The following AAK1 variants were observed in gnomAD, a reference collection of about 807,000 sequenced individuals.
The protein encoded by AAK1 is AP2-associated protein kinase 1.
Under a neutral mutation model 116.0 loss-of-function variants are expected in AAK1, and 37 were observed. That is an observed-to-expected ratio of 0.32 (90% confidence interval 0.25 to 0.42). AAK1 has a LOEUF of 0.42. Among genes scored for constraint, AAK1 ranks in the 10% least tolerant of loss-of-function variants. AAK1 has a pLI of 1.00. For missense variants in AAK1, 919 were observed against 1,170.6 expected (o/e 0.79, Z 3.14); for synonymous variants, 458 against 439.9 (o/e 1.04, Z -0.51).
In AAK1 at chr2:69,643,035, C is replaced by T. The variant is rs752587685; in HGVS notation, c.6G>A (p.Lys2=). M[K]KFFDSRREQG... is the part of the protein sequence containing the mutation. ...GCTCTCGCCGGGAGTCGAAAAACTT[C>T]TTCATCTTGCGAATAGGGAGCAGCA... Residue 2 remains lysine (K), a synonymous_variant, in exon 2 of 22, where the codon AAG becomes AAA. Coordinates refer to ENST00000409085, the MANE Select transcript of AAK1 (RefSeq NM_014911.5). 5 of 1,598,772 alleles carry T rather than the reference C, an allele frequency of 3.1e-6. No homozygotes were observed. In the South Asian group the frequency reaches 5.6e-5, roughly 18 times the overall value.
At chr2:69,553,085 GA>G (rs1168244072) in intron 3 of AAK1, among the ~76,000 whole-genome samples, 6 of 151,744 alleles carry the variant, frequency 4.0e-5, no homozygotes, top group Admixed American at 2.0e-4. Flanking sequence ...AGAAAAAGGG[GA>G]AAAAAATGAA....
intron 2 of AAK1, among the ~76,000 whole-genome samples, chr2:69,560,645 AT>A (rs201310365): frequency 6.6e-5 from 10 of 151,970 alleles, no homozygotes; most frequent in Middle Eastern, 3.4e-3. Context: ...AATATGTAGG[AT>A]TTTTTTTTAT....
intron 2 of AAK1, among the ~76,000 whole-genome samples, chr2:69,634,012 A>C (rs1675338104): frequency 6.6e-6 from 1 of 152,150 alleles, no homozygotes; most frequent in African/African-American, 2.4e-5. Flanking sequence ...TCTACTAAAA[A>C]TACAAAAATT....
At chr2:69,566,433 A>T (rs1437607797) in intron 2 of AAK1, among the ~76,000 whole-genome samples, 3 of 152,086 alleles carry the variant, frequency 2.0e-5, no homozygotes, top group Non-Finnish European at 4.4e-5. Flanking sequence ...TTCCCCAAGC[A>T]GATAGAACAC....
chr2:69,487,715 G>C (rs1675351765), intron 17 of AAK1, among the ~76,000 whole-genome samples: 1 of 151,370 alleles, frequency 6.6e-6, no homozygotes, highest in Non-Finnish European at 1.5e-5. Context: ...TGAAATGTTT[G>C]TGAAAAGCAA....
intron 3 of AAK1, among the ~76,000 whole-genome samples, chr2:69,550,954 A>T (rs1671157277): frequency 6.6e-6 from 1 of 152,118 alleles, no homozygotes; most frequent in South Asian, 2.1e-4. Context: ...TTAACATTCA[A>T]ATAGTTCATA....
chr2:69,475,835 A>G lies in AAK1; in HGVS notation c.*34T>C. 1.3e-6 allele frequency: 2 copies of G among 1,589,428 alleles called. No homozygotes were observed. Among genetic ancestry groups the G allele is most frequent in the Non-Finnish European group, 1.7e-6 (2 of 1,167,358 alleles). On this transcript the variant is annotated 3_prime_UTR_variant, in exon 22 of 22. Transcript: ENST00000409085. ...AATGAAAATGTATTTTACGGTATGA[A>G]GGTTACAGAACTGCATCTGCTACTG...
At chr2:69,553,589 A>G (rs1019646460) in intron 3 of AAK1, among the ~76,000 whole-genome samples, 2 of 151,622 alleles carry the variant, frequency 1.3e-5, no homozygotes, top group African/African-American at 4.8e-5. Flanking sequence ...GATTACAGGC[A>G]CGCACTGCCA....
intron 2 of AAK1, among the ~76,000 whole-genome samples, chr2:69,566,208 C>G (rs1671859762): frequency 6.6e-6 from 1 of 152,150 alleles, no homozygotes. Context: ...TTGCCAAAAG[C>G]TTCGGAAGGA....
intron 17 of AAK1, among the ~76,000 whole-genome samples, chr2:69,484,686 C>T (rs1271832840): frequency 2.6e-5 from 4 of 151,892 alleles, no homozygotes; most frequent in Admixed American, 6.6e-5. Context: ...CCCAGCCTGA[C>T]CAACATGGCG....
At chr2:69,507,628 A>G (rs755724733) in intron 14 of AAK1, 50 bp from the exon 15 acceptor site, 8 of 1,468,990 alleles carry the variant, frequency 5.4e-6, no homozygotes, top group Non-Finnish European at 7.3e-6. Context: ...AAGTTGAACA[A>G]AACAAAAAGG....
chr2:69,523,946 C>G (rs1242692830), intron 10 of AAK1, among the ~76,000 whole-genome samples: 2 of 152,254 alleles, frequency 1.3e-5, no homozygotes, highest in African/African-American at 4.8e-5. Flanking sequence ...CTTGCATTGC[C>G]TTCCGATGGC....
intron 2 of AAK1, among the ~76,000 whole-genome samples, chr2:69,574,408 A>T (rs1672215746): frequency 6.7e-6 from 1 of 149,698 alleles, no homozygotes; most frequent in African/African-American, 2.5e-5. Flanking sequence ...AAGAGAAGAG[A>T]AAGAGAGAGA....
Position 69,466,029 on chromosome 2 carries a change from G to A in AAK1, c.*9840C>T. On this transcript the variant is annotated 3_prime_UTR_variant, in exon 22 of 22. Coordinates refer to ENST00000409085, the MANE Select transcript of AAK1 (RefSeq NM_014911.5). ...GTCTGACTCCTCTGGCTGGGAAGGAGCCATACTGCTCTTGGAGACAAATGG... is the reference window on the plus strand; with the variant it reads ...GTCTGACTCCTCTGGCTGGGAAGGAACCATACTGCTCTTGGAGACAAATGG... 2 of 1,290,928 alleles carry A rather than the reference G, an allele frequency of 1.5e-6. No individual in the cohort carries two copies. Among genetic ancestry groups the A allele is most frequent in the Non-Finnish European group, 2.0e-6 (2 of 988,888 alleles). 80.0% of individuals were successfully genotyped at this position (1,290,928 alleles called of 1,614,324 possible).
chr2:69,485,293 A>G (rs1430818119), intron 17 of AAK1, among the ~76,000 whole-genome samples: 1 of 152,226 alleles, frequency 6.6e-6, no homozygotes, highest in East Asian at 1.9e-4. Flanking sequence ...GCAAAACCTC[A>G]GGCTAGCATT....
chr2:69,565,235 C>A (rs553461210), intron 2 of AAK1, among the ~76,000 whole-genome samples: 60 of 152,356 alleles, frequency 3.9e-4, no homozygotes, highest in African/African-American at 1.4e-3. Flanking sequence ...CACGAAGGAA[C>A]GTGGGCTAAG....
chr2:69,505,293 T>C (rs1676140896), intron 16 of AAK1, among the ~76,000 whole-genome samples: 1 of 152,224 alleles, frequency 6.6e-6, no homozygotes, highest in African/African-American at 2.4e-5. Flanking sequence ...GACGTGCCTG[T>C]GGACTAGAGA....
At chr2:69,537,591 C>T (rs1670529948) in intron 5 of AAK1, among the ~76,000 whole-genome samples, 1 of 152,170 alleles carries the variant, frequency 6.6e-6, no homozygotes, top group African/African-American at 2.4e-5. Context: ...CTCTGGAAAA[C>T]AGGAAAATAG....
intron 2 of AAK1, among the ~76,000 whole-genome samples, chr2:69,580,446 G>A (rs1672495280): frequency 6.6e-6 from 1 of 152,152 alleles, no homozygotes; most frequent in African/African-American, 2.4e-5. Context: ...TGAAAAGTGG[G>A]AGCTGCACGG....
Sources: allele counts gnomAD v4.1 joint callset (sites outside exome capture counted in the v4.1 genomes callset), GRCh38; gene constraint gnomAD v4.1.1; transcripts MANE v1.5; gene names NCBI Gene and HGNC (gene_info 2026-07-23, HGNC 2026-07-21).